The following CDH4 variants were observed in gnomAD, a reference collection of about 807,000 sequenced individuals.
CDH4 encodes cadherin 4, also known as cadherin-4.
CDH4 carries 33 observed loss-of-function variants against 86.0 expected under a neutral mutation model. That is an observed-to-expected ratio of 0.38 (90% confidence interval 0.29 to 0.51). The LOEUF (loss-of-function observed/expected upper bound fraction) is 0.51, where lower values mean the gene tolerates loss of function less well. Ranked by LOEUF, CDH4 falls within the 20% of genes least tolerant of loss-of-function variation. The pLI is 0.86. For synonymous variants in CDH4, 555 were observed against 549.4 expected, an observed-to-expected ratio of 1.01 and a Z score of -0.14; for missense variants, 1,114 against 1,307.4, an observed-to-expected ratio of 0.85 and a Z score of 2.28.
intron 5 of CDH4, among the ~76,000 whole-genome samples, chr20:61,848,227 C>A (rs149259101): frequency 6.6e-6 from 1 of 152,234 alleles, no homozygotes; most frequent in African/African-American, 2.4e-5. Context: ...CACTCCCCAC[C>A]TGAGCTGGCC....
chr20:61,422,583 A>G (rs1301539229), intron 2 of CDH4, among the ~76,000 whole-genome samples: 1 of 152,134 alleles, frequency 6.6e-6, no homozygotes, highest in Admixed American at 6.6e-5. Context: ...CATGCCAGAA[A>G]TTCTCTTCTC....
intron 2 of CDH4, among the ~76,000 whole-genome samples, chr20:61,347,952 C>T (rs1186899390): frequency 6.6e-6 from 1 of 152,184 alleles, no homozygotes; most frequent in Admixed American, 6.5e-5. Context: ...CAGCCCTTTC[C>T]ATGGTTAAAG....
At position 61,767,332 on chromosome 20, in the gene CDH4, GCTGCCCCCACC is replaced by G. The variant is rs1167166766; in HGVS notation, c.397-5670_397-5660del. ...GAAAGTGAGTGGCTATCAGGGCCCT[GCTGCCCCCACC>G]GGGGCTGTGGTACCTCCCTAACGTG... is the stretch of plus-strand genomic sequence containing the variant. On this transcript the variant is annotated intron_variant, in intron 3 of 15. Transcript: ENST00000614565. 2.0e-5 allele frequency among the ~76,000 whole-genome samples: 3 copies of G among 152,232 alleles called. No individual in the cohort carries two copies. The East Asian group carries it at 5.8e-4, about 29-fold the overall frequency.
intron 2 of CDH4, among the ~76,000 whole-genome samples, chr20:61,540,934 A>C (rs1237917303): frequency 6.6e-6 from 1 of 152,072 alleles, no homozygotes; most frequent in Non-Finnish European, 1.5e-5. Context: ...GCGACCCCAT[A>C]AGCTGTTCAA....
At chr20:61,735,241 AG>A (rs902379681) in intron 2 of CDH4, among the ~76,000 whole-genome samples, 8 of 152,196 alleles carry the variant, frequency 5.3e-5, no homozygotes, top group African/African-American at 1.9e-4. Flanking sequence ...CCGTCTCCCC[AG>A]CAGCTGGAAT....
In CDH4 at chr20:61,936,965, G is replaced by T; in HGVS notation, c.*22G>T. On this transcript the variant is annotated 3_prime_UTR_variant, in exon 16 of 16. Transcript: ENST00000614565. ...TTGACTGACCTCGCATCTTCGGACCGAAGTGAGAGCCGTGCTCGGACGCCG... is the reference window on the plus strand; with the variant it reads ...TTGACTGACCTCGCATCTTCGGACCTAAGTGAGAGCCGTGCTCGGACGCCG... 6.5e-7 allele frequency: 1 copy of T among 1,542,576 alleles called. No individual in the cohort carries two copies. Among genetic ancestry groups the T allele is most frequent in the Non-Finnish European group, 8.8e-7 (1 of 1,141,320 alleles).
chr20:61,847,697 C>T (rs965121420), intron 5 of CDH4, among the ~76,000 whole-genome samples: 5 of 152,116 alleles, frequency 3.3e-5, no homozygotes, highest in Admixed American at 6.5e-5. Context: ...GGAAGTATAG[C>T]GCCGGCATCT....
At chr20:61,904,877 A>G (rs950125253) in intron 8 of CDH4, among the ~76,000 whole-genome samples, 2 of 152,218 alleles carry the variant, frequency 1.3e-5, no homozygotes, top group Non-Finnish European at 2.9e-5. Flanking sequence ...CTGACCGCCC[A>G]CTGACATCAT....
At chr20:61,273,739 CCATGGGCAGTT>C (rs2084202366) in intron 2 of CDH4, among the ~76,000 whole-genome samples, 1 of 142,862 alleles carries the variant, frequency 7.0e-6, no homozygotes, top group Non-Finnish European at 1.5e-5. Flanking sequence ...TGGGGAAGTA[CCATGGGCAGTT>C]TGGGGGAGTA....
At chr20:61,296,030 G>A (rs2084350080) in intron 2 of CDH4, among the ~76,000 whole-genome samples, 1 of 152,162 alleles carries the variant, frequency 6.6e-6, no homozygotes, top group Non-Finnish European at 1.5e-5. Context: ...GAAGGGGTGG[G>A]GAGTAGTTAA....
intron 2 of CDH4, among the ~76,000 whole-genome samples, chr20:61,384,869 G>T (rs1330707922): frequency 6.6e-6 from 1 of 152,120 alleles, no homozygotes; most frequent in African/African-American, 2.4e-5. Context: ...CTCTAAGTCT[G>T]ATCCCTCTCA....
At chr20:61,419,224 T>G (rs908686399) in intron 2 of CDH4, among the ~76,000 whole-genome samples, 4 of 152,132 alleles carry the variant, frequency 2.6e-5, no homozygotes, top group African/African-American at 9.7e-5. Context: ...CCGCAGCAGG[T>G]GCAGCTGAGA....
chr20:61,803,621 T>C (rs1291631591), intron 4 of CDH4, among the ~76,000 whole-genome samples: 1 of 152,158 alleles, frequency 6.6e-6, no homozygotes, highest in Admixed American at 6.5e-5. Flanking sequence ...GGGTGGGGCA[T>C]CTTGAGGCTG....
At chr20:61,820,996 TGTAGTTCTAG>T (rs1980993945) in intron 4 of CDH4, among the ~76,000 whole-genome samples, 1 of 152,020 alleles carries the variant, frequency 6.6e-6, no homozygotes, top group Non-Finnish European at 1.5e-5. Flanking sequence ...CAGCATATCC[TGTAGTTCTAG>T]GATTTGCGGG....
intron 2 of CDH4, among the ~76,000 whole-genome samples, chr20:61,274,675 C>T (rs542596323): frequency 6.3e-4 from 74 of 116,570 alleles, no homozygotes; most frequent in Middle Eastern, 8.8e-3. Flanking sequence ...GGGGGAATAC[C>T]GAGTGCAGTT....
chr20:61,650,885 C>T (rs372079507), intron 2 of CDH4, among the ~76,000 whole-genome samples: 1 of 152,248 alleles, frequency 6.6e-6, no homozygotes, highest in East Asian at 1.9e-4. Context: ...CACTTCCATA[C>T]ACAGATTATC....
intron 4 of CDH4, among the ~76,000 whole-genome samples, chr20:61,779,260 A>G (rs1373974728): frequency 6.6e-6 from 1 of 152,228 alleles, no homozygotes. Flanking sequence ...ATGAGGGGGA[A>G]CGTGGTGCTC....
chr20:61,759,577 T>C (rs8115242), intron 3 of CDH4, among the ~76,000 whole-genome samples: 1 of 152,224 alleles, frequency 6.6e-6, no homozygotes, highest in Non-Finnish European at 1.5e-5. Context: ...GCACAAAATA[T>C]GAACGATTTC....
At chr20:61,862,296 G>A (rs1230743475) in intron 6 of CDH4, among the ~76,000 whole-genome samples, 3 of 152,174 alleles carry the variant, frequency 2.0e-5, no homozygotes, top group Admixed American at 2.0e-4. Context: ...AGGCTGCAGG[G>A]AGAGCCCAGC....
Sources: gnomAD v4.1 joint callset for allele counts (sites outside exome capture counted in the v4.1 genomes callset) on GRCh38, gnomAD v4.1.1 for gene constraint, MANE v1.5 for transcripts, NCBI Gene and HGNC (gene_info 2026-07-23, HGNC 2026-07-21) for gene names.